Variants in MCHR2 observed in about 807,000 individuals in gnomAD.
MCHR2 encodes melanin-concentrating hormone receptor 2.
MCHR2 carries 15 observed loss-of-function variants against 24.8 expected under a neutral mutation model. The ratio of observed to expected loss-of-function variants is 0.60; its 90% confidence interval spans 0.40 to 0.93. The LOEUF is 0.93. Ranked by LOEUF, MCHR2 falls within the 40% of genes least tolerant of loss-of-function variation. The probability of loss-of-function intolerance (pLI) is 0.00; values close to 1 mark genes in which losing one functional copy is unlikely to be tolerated. For synonymous variants in MCHR2, 151 were observed against 147.6 expected (o/e 1.02, Z -0.17); for missense variants, 386 against 408.7 (o/e 0.94, Z 0.48).
At chr6:99,939,093 T>G (rs1035347047) in intron 4 of MCHR2, among the ~76,000 whole-genome samples, 1 of 152,068 alleles carries the variant, frequency 6.6e-6, no homozygotes, top group African/African-American at 2.4e-5. Flanking sequence ...GAAGTGGGTT[T>G]CTTGTAGGCT....
chr6:99,990,497 A>G (rs1775853103), intron 1 of MCHR2, among the ~76,000 whole-genome samples: 1 of 152,210 alleles, frequency 6.6e-6, no homozygotes, highest in African/African-American at 2.4e-5. Flanking sequence ...AAACTTTATT[A>G]GTCCTGAGAG....
intron 1 of MCHR2, among the ~76,000 whole-genome samples, chr6:99,961,741 T>A (rs1438848802): frequency 6.6e-6 from 1 of 151,944 alleles, no homozygotes; most frequent in African/African-American, 2.4e-5. Flanking sequence ...AGCATTAGGA[T>A]AAATACCTAA....
At chr6:99,992,802 C>T (rs933657413) in intron 1 of MCHR2, among the ~76,000 whole-genome samples, 1 of 152,158 alleles carries the variant, frequency 6.6e-6, no homozygotes, top group Non-Finnish European at 1.5e-5. Flanking sequence ...GGCATGTCTG[C>T]TCTGCAAAAG....
At chr6:99,952,078 G>A (rs999229155) in intron 2 of MCHR2, among the ~76,000 whole-genome samples, 4 of 152,126 alleles carry the variant, frequency 2.6e-5, no homozygotes, top group Non-Finnish European at 4.4e-5. Flanking sequence ...AAGTATAGGT[G>A]ATTCCCAGGG....
intron 2 of MCHR2, among the ~76,000 whole-genome samples, chr6:99,950,884 A>T (rs1774952361): frequency 6.6e-6 from 1 of 152,170 alleles, no homozygotes; most frequent in African/African-American, 2.4e-5. Context: ...AACACTACGC[A>T]TGTAGGCTGC....
At chr6:99,972,420 T>C (rs890670749) in intron 1 of MCHR2, among the ~76,000 whole-genome samples, 2 of 152,206 alleles carry the variant, frequency 1.3e-5, no homozygotes, top group Non-Finnish European at 2.9e-5. Context: ...CCCTTTATCA[T>C]TTTTTATTGC....
chr6:99,941,406 G>T (rs1343803575), intron 4 of MCHR2, among the ~76,000 whole-genome samples: 1 of 151,950 alleles, frequency 6.6e-6, no homozygotes, highest in Non-Finnish European at 1.5e-5. Flanking sequence ...CAGTCAGCTT[G>T]CTTCTATGCT....
intron 5 of MCHR2, among the ~76,000 whole-genome samples, chr6:99,926,698 G>A (rs1374122339): frequency 6.6e-6 from 1 of 152,034 alleles, no homozygotes; most frequent in Non-Finnish European, 1.5e-5. Flanking sequence ...TTTTTTTCTT[G>A]TAAATCTGTT....
intron 4 of MCHR2, among the ~76,000 whole-genome samples, chr6:99,937,520 G>T (rs776567310): frequency 6.6e-6 from 1 of 151,890 alleles, no homozygotes. Context: ...ATTGATTTGT[G>T]TATGGTGAAC....
intron 3 of MCHR2, among the ~76,000 whole-genome samples, chr6:99,944,305 G>A (rs1774834511): frequency 6.6e-6 from 1 of 152,172 alleles, no homozygotes. Context: ...TGAAAAACAA[G>A]TTCAGATTCA....
chr6:99,964,774 A>G (rs139955797), intron 1 of MCHR2, among the ~76,000 whole-genome samples: 93 of 152,244 alleles, frequency 6.1e-4, no homozygotes, highest in African/African-American at 2.0e-3. Context: ...GAATGGATAA[A>G]TAGATTGTGA....
At chr6:99,945,073 T>C (rs1022106979) in intron 3 of MCHR2, among the ~76,000 whole-genome samples, 1 of 152,128 alleles carries the variant, frequency 6.6e-6, no homozygotes, top group Non-Finnish European at 1.5e-5. Flanking sequence ...AAAAGAAGAT[T>C]ATAGGAGACT....
chr6:99,945,586 A>G (rs1179419979), intron 3 of MCHR2, among the ~76,000 whole-genome samples: 2 of 152,194 alleles, frequency 1.3e-5, no homozygotes, highest in Non-Finnish European at 2.9e-5. Flanking sequence ...TGTAAACACT[A>G]AGGCATACTG....
At chr6:99,993,501 T>C (rs1164291364) in intron 1 of MCHR2, among the ~76,000 whole-genome samples, 1 of 152,150 alleles carries the variant, frequency 6.6e-6, no homozygotes, top group East Asian at 1.9e-4. Context: ...AAAAAAGCCT[T>C]CCCGAACTCT....
rs1266035307 is a variant in MCHR2, at chr6:99,946,218, GAC to G, written c.392+1542_392+1543del. Among the ~76,000 whole-genome samples, 3 of 152,052 alleles carry G rather than the reference GAC, an allele frequency of 2.0e-5. No individual in the cohort carries two copies. In the East Asian group the frequency reaches 5.8e-4, roughly 29 times the overall value. On this transcript the variant is annotated intron_variant, in intron 3 of 5. Coordinates refer to ENST00000281806, the MANE Select transcript of MCHR2 (RefSeq NM_001040179.2). ...GACAAGCATATGGGGCTTTTCTCAT[GAC>G]ACAGTCACATTGGCTGGCATTAGCT... is the stretch of plus-strand genomic sequence containing the variant.
chr6:99,944,657 G>A (rs1259128749), intron 3 of MCHR2, among the ~76,000 whole-genome samples: 2 of 152,078 alleles, frequency 1.3e-5, no homozygotes, highest in East Asian at 1.9e-4. Context: ...TCCCTGCTGC[G>A]GAAGTGGATG....
In MCHR2 at chr6:99,981,142, T is replaced by C. The variant is rs537570050; in HGVS notation, c.-28+12794A>G. Reference sequence around the variant, plus strand: ...TTCTAGCTGTCAATCCTTTTGCTTATTTATTATTATTATTGTTGTTACTAT... The same window carrying C: ...TTCTAGCTGTCAATCCTTTTGCTTACTTATTATTATTATTGTTGTTACTAT... On this transcript the variant is annotated intron_variant, in intron 1 of 5. Transcript: ENST00000281806. Among the ~76,000 whole-genome samples the C allele has an allele frequency of 3.9e-5, 6 of 152,296 alleles. No individual in the cohort carries two copies. In the South Asian group the frequency reaches 1.2e-3, roughly 32 times the overall value.
intron 5 of MCHR2, among the ~76,000 whole-genome samples, chr6:99,932,426 C>T (rs1774565835): frequency 6.6e-6 from 1 of 152,180 alleles, no homozygotes; most frequent in South Asian, 2.1e-4. Flanking sequence ...CATCTTCCTG[C>T]TTCCCCTTTG....
At position 99,955,756 on chromosome 6, in the gene MCHR2, G is replaced by A. The variant is rs186625537; in HGVS notation, c.182+210C>T. Among the ~76,000 whole-genome samples the A allele has an allele frequency of 6.2e-3, 938 of 152,134 alleles. 11 individuals carry two copies. The highest frequency in any genetic ancestry group is 0.022 in the African/African-American group (902 of 41,516). ...TGACCCAGCAGTAAGCATTGGCCTA[G>A]GTCTTAGCATGTTGAGATTTGCAAC... is the stretch of plus-strand genomic sequence containing the variant. On this transcript the variant is annotated intron_variant, in intron 2 of 5. Transcript: ENST00000281806.
Sources: gnomAD v4.1 joint callset for allele counts (sites outside exome capture counted in the v4.1 genomes callset) on GRCh38, gnomAD v4.1.1 for gene constraint, MANE v1.5 for transcripts, NCBI Gene and HGNC (gene_info 2026-07-23, HGNC 2026-07-21) for gene names.